CACNA1E: variants seen among roughly 807,000 people sequenced by gnomAD.
The protein encoded by CACNA1E is calcium voltage-gated channel subunit alpha1 E.
A neutral mutation model predicts 259.2 loss-of-function variants in CACNA1E; 40 were observed. That is an observed-to-expected ratio of 0.15 (90% CI 0.12 to 0.20). The LOEUF is 0.20. Among genes scored for constraint, CACNA1E ranks in the 10% least tolerant of loss-of-function variants. CACNA1E has a pLI of 1.00. For missense variants in CACNA1E, 1,874 were observed against 3,040.1 expected, an observed-to-expected ratio of 0.62 and a Z score of 9.02; for synonymous variants, 1,104 against 1,138.5, an observed-to-expected ratio of 0.97 and a Z score of 0.61.
intron 6 of CACNA1E, among the ~76,000 whole-genome samples, chr1:181,584,245 T>A (rs1651834489): frequency 6.6e-6 from 1 of 152,232 alleles, no homozygotes; most frequent in Non-Finnish European, 1.5e-5. Flanking sequence ...TGTATTTCTG[T>A]AGTTGGAGTT....
intron 1 of CACNA1E, among the ~76,000 whole-genome samples, chr1:181,343,980 T>C (rs1160673848): frequency 6.6e-6 from 1 of 152,160 alleles, no homozygotes; most frequent in Admixed American, 6.5e-5. Flanking sequence ...TGGCTACTCT[T>C]GCTCACCCTT....
At chr1:181,329,084 C>T (rs939926342) in intron 1 of CACNA1E, among the ~76,000 whole-genome samples, 2 of 152,012 alleles carry the variant, frequency 1.3e-5, no homozygotes, top group South Asian at 2.1e-4. Context: ...CTTTCTTTGT[C>T]TTGGTGAGTG....
At position 181,511,561 on chromosome 1, in the gene CACNA1E, A is replaced by G. The variant is rs1286124214; in HGVS notation, c.512+51A>G. The G allele has an allele frequency of 3.1e-6, 5 of 1,599,606 alleles. No homozygotes were observed. The African/African-American group carries it at 6.7e-5, about 21-fold the overall frequency. On this transcript the variant is annotated intron_variant, in intron 3 of 47. Coordinates refer to ENST00000367573, the MANE Select transcript of CACNA1E (RefSeq NM_001205293.3). ...GTGTGTGTGTATGAAGGGGGTTGGT[A>G]TCATGAGGTGGCTGGGGGCAGGGAA...
intron 6 of CACNA1E, among the ~76,000 whole-genome samples, chr1:181,604,864 A>C (rs1463559437): frequency 3.3e-5 from 5 of 152,190 alleles, no homozygotes; most frequent in Non-Finnish European, 1.5e-5. Context: ...CAGAGGTCAG[A>C]GTGAATCTTT....
intron 2 of CACNA1E, among the ~76,000 whole-genome samples, chr1:181,469,110 G>T (rs1269285029): frequency 6.6e-6 from 1 of 151,962 alleles, no homozygotes; most frequent in Non-Finnish European, 1.5e-5. Flanking sequence ...CATTGTACAA[G>T]CGCTTCAATT....
chr1:181,580,183 G>C (rs1474537677), intron 5 of CACNA1E, among the ~76,000 whole-genome samples: 1 of 152,118 alleles, frequency 6.6e-6, no homozygotes, highest in African/African-American at 2.4e-5. Flanking sequence ...CCCCCTAAAA[G>C]GACCATAGTT....
chr1:181,635,713 CTG>C (rs1657146119), intron 6 of CACNA1E, among the ~76,000 whole-genome samples: 1 of 152,192 alleles, frequency 6.6e-6, no homozygotes, highest in Non-Finnish European at 1.5e-5. Context: ...GGGCCACACT[CTG>C]AGAACAACTG....
intron 2 of CACNA1E, among the ~76,000 whole-genome samples, chr1:181,449,255 C>A (rs745895849): frequency 1.6e-4 from 25 of 152,208 alleles, no homozygotes; most frequent in Non-Finnish European, 3.2e-4. Context: ...TGAGAAAAAT[C>A]TCAAGATACA....
At chr1:181,721,614 C>A in intron 15 of CACNA1E, 144 bp from the exon 16 acceptor site, 1 of 445,112 alleles carries the variant, frequency 2.2e-6, no homozygotes. Flanking sequence ...ATGGAAATGA[C>A]TTTTTTTTTT....
At chr1:181,767,993 T>C (rs940556715) in intron 35 of CACNA1E, among the ~76,000 whole-genome samples, 4 of 152,268 alleles carry the variant, frequency 2.6e-5, no homozygotes, top group Admixed American at 2.6e-4. Flanking sequence ...ATGTGATAAT[T>C]TGATGCTCGT....
At chr1:181,395,895 C>A (rs980068227) in intron 1 of CACNA1E, among the ~76,000 whole-genome samples, 38 of 152,162 alleles carry the variant, frequency 2.5e-4, no homozygotes, top group Admixed American at 1.3e-3. Context: ...CATTGTGTAA[C>A]AAATCACTCA....
chr1:181,594,912 C>A (rs959693172), intron 6 of CACNA1E, among the ~76,000 whole-genome samples: 17 of 152,218 alleles, frequency 1.1e-4, no homozygotes, highest in Middle Eastern at 3.4e-3. Flanking sequence ...TATAAAAATC[C>A]TTTAAAGTTA....
intron 3 of CACNA1E, among the ~76,000 whole-genome samples, chr1:181,524,369 T>C (rs1010024968): frequency 2.0e-5 from 3 of 152,246 alleles, no homozygotes; most frequent in Non-Finnish European, 4.4e-5. Context: ...CTGGGAACAA[T>C]GTGACCCGTA....
intron 10 of CACNA1E, 126 bp downstream of exon 10, chr1:181,716,255 G>C (rs1653881804): frequency 2.3e-6 from 1 of 428,958 alleles, no homozygotes; most frequent in Non-Finnish European, 4.1e-6. Context: ...ATGTAATTAA[G>C]GAAAAGGGTG....
At chr1:181,621,032 A>G (rs997766201) in intron 6 of CACNA1E, among the ~76,000 whole-genome samples, 3 of 152,242 alleles carry the variant, frequency 2.0e-5, no homozygotes, top group Non-Finnish European at 4.4e-5. Flanking sequence ...TAATACATGG[A>G]AAGTTTATTT....
chr1:181,401,353 C>A (rs781111291), intron 1 of CACNA1E, among the ~76,000 whole-genome samples: 3 of 152,204 alleles, frequency 2.0e-5, no homozygotes, highest in Non-Finnish European at 2.9e-5. Context: ...CCAAGACCCT[C>A]TATAGCCTCC....
intron 1 of CACNA1E, among the ~76,000 whole-genome samples, chr1:181,370,019 CTTTG>C (rs905118628): frequency 5.9e-5 from 9 of 151,466 alleles, no homozygotes; most frequent in African/African-American, 1.9e-4. Context: ...GTGTACTCAA[CTTTG>C]TTTATTTTTT....
chr1:181,511,571 G>T (rs534001132), intron 3 of CACNA1E, 61 bp downstream of exon 3: 2 of 1,588,372 alleles, frequency 1.3e-6, no homozygotes, highest in South Asian at 1.1e-5. Context: ...ATCATGAGGT[G>T]GCTGGGGGCA....
At position 181,785,755 on chromosome 1, in the gene CACNA1E, C is replaced by A; in HGVS notation, c.5722C>A (p.Pro1908Thr). ...MFQRMEPSSL[P>T]QEIIANAKAL... ...CCAGCGCATGGAGCCTTCATCTCTG[C>A]CTCAGGAGATCATTGCTAATGCCAA... is the stretch of plus-strand genomic sequence containing the variant. The change falls in exon 43 of 48, where the codon CCT becomes ACT. Residue 1908 changes from proline to threonine, a missense_variant. Pro to Thr is a conservative substitution (Grantham distance 38). Coordinates refer to ENST00000367573, the MANE Select transcript of CACNA1E (RefSeq NM_001205293.3). 6.2e-7 allele frequency: 1 copy of A among 1,613,420 alleles called. No homozygotes were observed. The highest frequency in any genetic ancestry group is 1.1e-5 in the South Asian group (1 of 90,948).
Sources: gnomAD v4.1 joint callset for allele counts (sites outside exome capture counted in the v4.1 genomes callset) on GRCh38, gnomAD v4.1.1 for gene constraint, MANE v1.5 for transcripts, NCBI Gene and HGNC (gene_info 2026-07-23, HGNC 2026-07-21) for gene names.